Variants in PTPRD observed in about 807,000 individuals in gnomAD.
PTPRD encodes the protein protein tyrosine phosphatase receptor type D.
In PTPRD, 34 loss-of-function variants were observed where a neutral mutation model predicts 214.5. The observed-to-expected ratio is 0.16, with a 90% CI of 0.12 to 0.21. The LOEUF is 0.21. Among genes scored for constraint, PTPRD ranks in the 10% least tolerant of loss-of-function variants. The probability of loss-of-function intolerance (pLI) is 1.00; values close to 1 mark genes in which losing one functional copy is unlikely to be tolerated. For missense variants in PTPRD, 2,545 were observed against 2,398.7 expected (o/e 1.06, Z -1.27); for synonymous variants, 1,128 against 845.7 (o/e 1.33, Z -5.79).
At chr9:10,477,698 C>T (rs1481801082) in intron 2 of PTPRD, among the ~76,000 whole-genome samples, 1 of 152,046 alleles carries the variant, frequency 6.6e-6, no homozygotes, top group African/African-American at 2.4e-5. Context: ...TATTGCATCA[C>T]TATTCACAAT....
intron 8 of PTPRD, among the ~76,000 whole-genome samples, chr9:9,541,993 T>C (rs2077690010): frequency 6.6e-6 from 1 of 151,472 alleles, no homozygotes; most frequent in Admixed American, 6.6e-5. Context: ...ATATTCAAGA[T>C]AAGAGGAGAG....
intron 3 of PTPRD, among the ~76,000 whole-genome samples, chr9:10,104,612 A>C (rs2098605244): frequency 6.6e-6 from 1 of 151,860 alleles, no homozygotes; most frequent in Non-Finnish European, 1.5e-5. Flanking sequence ...ATTTGTAATA[A>C]TATTTTCTTT....
intron 2 of PTPRD, among the ~76,000 whole-genome samples, chr9:10,406,554 G>A (rs2098363246): frequency 6.6e-6 from 1 of 151,460 alleles, no homozygotes; most frequent in Admixed American, 6.6e-5. Context: ...TTCTACTGCA[G>A]GAAAAGACAC....
intron 5 of PTPRD, among the ~76,000 whole-genome samples, chr9:9,924,087 A>C (rs775887074): frequency 6.6e-6 from 1 of 152,098 alleles, no homozygotes; most frequent in Non-Finnish European, 1.5e-5. Context: ...AAACCTAGAG[A>C]ATAATATTTA....
At chr9:9,617,670 A>G (rs145169435) in intron 7 of PTPRD, among the ~76,000 whole-genome samples, 3 of 152,270 alleles carry the variant, frequency 2.0e-5, no homozygotes, top group African/African-American at 7.2e-5. Flanking sequence ...AGAGCATAGT[A>G]TTTGAAGGGT....
intron 5 of PTPRD, among the ~76,000 whole-genome samples, chr9:9,805,601 A>G (rs1190164481): frequency 6.6e-6 from 1 of 152,184 alleles, no homozygotes; most frequent in African/African-American, 2.4e-5. Context: ...CAGGGTTTAT[A>G]CATACTGAGA....
Position 9,004,992 on chromosome 9 carries a change from T to C in PTPRD, c.-104+13705A>G, listed in dbSNP as rs376985692. ...TATCCGCCAGGTGTTAAACTCATTA[T>C]AGGCCATAGCATCATTTGCTGGAAC... is the stretch of plus-strand genomic sequence containing the variant. On this transcript the variant is annotated intron_variant, in intron 11 of 45. Coordinates refer to ENST00000381196, the MANE Select transcript of PTPRD (RefSeq NM_002839.4). Among the ~76,000 whole-genome samples the C allele has an allele frequency of 3.2e-3, 481 of 152,256 alleles. 2 individuals carry two copies. Among genetic ancestry groups the C allele is most frequent in the African/African-American group, 0.011 (463 of 41,574 alleles).
intron 2 of PTPRD, among the ~76,000 whole-genome samples, chr9:10,495,024 T>C (rs1370734963): frequency 1.3e-5 from 2 of 151,782 alleles, no homozygotes; most frequent in Non-Finnish European, 2.9e-5. Flanking sequence ...AGGTAAATAA[T>C]TGATCAAATG....
At position 8,694,769 on chromosome 9, in the gene PTPRD, A is replaced by AT. The variant is rs200153595; in HGVS notation, c.64+39010dup. On this transcript the variant is annotated intron_variant, in intron 12 of 45. Coordinates refer to ENST00000381196, the MANE Select transcript of PTPRD (RefSeq NM_002839.4). Reference sequence around the variant, plus strand: ...GTGTTGGCAAATCTGTATACTACCTATTTTTTTTTCTATGTTTAGCCTTCG... The same window carrying AT: ...GTGTTGGCAAATCTGTATACTACCTATTTTTTTTTTCTATGTTTAGCCTTCG... Among the ~76,000 whole-genome samples the AT allele has an allele frequency of 3.1e-3, 463 of 151,374 alleles. 2 individuals are homozygous for AT. Among genetic ancestry groups the AT allele is most frequent in the African/African-American group, 0.01 (418 of 41,308 alleles).
intron 12 of PTPRD, among the ~76,000 whole-genome samples, chr9:8,716,254 C>T (rs1268203971): frequency 6.6e-6 from 1 of 152,196 alleles, no homozygotes; most frequent in African/African-American, 2.4e-5. Context: ...TTGTTAGAAC[C>T]TACAAGGAGA....
chr9:10,262,141 T>C (rs973524697), intron 3 of PTPRD, among the ~76,000 whole-genome samples: 1 of 152,022 alleles, frequency 6.6e-6, no homozygotes, highest in African/African-American at 2.4e-5. Context: ...ACTGAAATTA[T>C]TTAAAAATCA....
intron 9 of PTPRD, among the ~76,000 whole-genome samples, chr9:9,368,620 G>A (rs2058545611): frequency 6.6e-6 from 1 of 151,836 alleles, no homozygotes; most frequent in Admixed American, 6.6e-5. Context: ...CCCACTCTTA[G>A]GGGGAACTCT....
intron 27 of PTPRD, among the ~76,000 whole-genome samples, chr9:8,488,294 G>T (rs988801787): frequency 2.6e-5 from 4 of 152,198 alleles, no homozygotes; most frequent in Non-Finnish European, 2.9e-5. Context: ...AACCAATGGA[G>T]CAACAGTTTT....
chr9:9,327,182 A>G (rs1250408566), intron 9 of PTPRD, among the ~76,000 whole-genome samples: 1 of 152,198 alleles, frequency 6.6e-6, no homozygotes, highest in African/African-American at 2.4e-5. Context: ...ACTCATTTAT[A>G]TTGAGTAGAA....
chr9:8,719,904 T>A (rs74349768), intron 12 of PTPRD, among the ~76,000 whole-genome samples: 360 of 152,238 alleles, frequency 2.4e-3, no homozygotes, highest in African/African-American at 8.3e-3. Flanking sequence ...TTATCTAGAA[T>A]ACCATCTGTG....
intron 11 of PTPRD, among the ~76,000 whole-genome samples, chr9:8,856,957 G>C (rs537921430): frequency 2.0e-5 from 3 of 152,186 alleles, no homozygotes; most frequent in Non-Finnish European, 4.4e-5. Context: ...TCTTTGGTTT[G>C]TTCGTGGCTT....
intron 43 of PTPRD, among the ~76,000 whole-genome samples, chr9:8,332,946 C>G (rs773223067): frequency 9.2e-5 from 14 of 152,048 alleles, no homozygotes; most frequent in Admixed American, 2.0e-4. Flanking sequence ...GTGCATGTTC[C>G]CAAGGTTCTG....
intron 9 of PTPRD, among the ~76,000 whole-genome samples, chr9:9,335,894 C>A (rs906439063): frequency 6.6e-6 from 1 of 151,956 alleles, no homozygotes; most frequent in Non-Finnish European, 1.5e-5. Flanking sequence ...TTCAAATACA[C>A]ACTAACAAGG....
intron 14 of PTPRD, among the ~76,000 whole-genome samples, chr9:8,550,920 C>CG (rs1478506003): frequency 2.0e-5 from 3 of 152,156 alleles, no homozygotes; most frequent in African/African-American, 7.2e-5. Flanking sequence ...GGCCTGTCTT[C>CG]GACAGTGAGC....
Sources: gnomAD v4.1 joint callset for allele counts (sites outside exome capture counted in the v4.1 genomes callset) on GRCh38, gnomAD v4.1.1 for gene constraint, MANE v1.5 for transcripts, NCBI Gene and HGNC (gene_info 2026-07-23, HGNC 2026-07-21) for gene names.